Variants in TAF2 observed in about 807,000 individuals in gnomAD.
TAF2 encodes the protein transcription initiation factor TFIID subunit 2.
In TAF2, 61 loss-of-function variants were observed where a neutral mutation model predicts 138.5. The observed-to-expected ratio is 0.44, with a 90% CI of 0.36 to 0.54. TAF2 has a LOEUF of 0.54. Ranked by LOEUF, TAF2 falls within the 20% of genes least tolerant of loss-of-function variation. The pLI is 0.00. For missense variants in TAF2, 1,090 were observed against 1,427.9 expected, an observed-to-expected ratio of 0.76 and a Z score of 3.81; for synonymous variants, 475 against 469.9, an observed-to-expected ratio of 1.01 and a Z score of -0.14.
At position 119,762,471 on chromosome 8, in the gene TAF2, G is replaced by A. The variant is rs143004155; in HGVS notation, c.2502C>T (p.Thr834=). ...GAAGTTTTTCCATATTCAAAAATCT[G>A]GTGATTTCTTCAAGAATGAGTCGCA... ...PDVRLILEEI[T]RFLNMEKLLP... is the part of the protein sequence containing the mutation. The change falls in exon 19 of 26, where the codon ACC becomes ACT. Residue 834 remains threonine, a synonymous_variant. Coordinates refer to ENST00000378164, the MANE Select transcript of TAF2 (RefSeq NM_003184.4). The A allele has an allele frequency of 6.2e-5, 100 of 1,613,922 alleles. No homozygotes were observed. The African/African-American group carries it at 9.9e-4, about 16-fold the overall frequency.
At chr8:119,781,677 C>CA (rs200470864) in intron 16 of TAF2, among the ~76,000 whole-genome samples, 45 of 142,414 alleles carry the variant, frequency 3.2e-4, no homozygotes, top group Middle Eastern at 7.1e-3. Flanking sequence ...AGACTCTCTC[C>CA]AAAAAAAAAA....
Position 119,793,541 on chromosome 8 carries a change from A to G in TAF2, c.1192-90T>C, listed in dbSNP as rs1823594532. ...TTTTAGAATTAAACTGTGAATTCTC[A>G]TTTCCTAAAATCAGAATGTAAATTT... On this transcript the variant is annotated intron_variant, in intron 9 of 25. Transcript: ENST00000378164. The G allele has an allele frequency of 5.6e-6, 5 of 890,264 alleles. No individual in the cohort carries two copies. The East Asian group carries it at 1.3e-4, about 23-fold the overall frequency. 55.1% of individuals were successfully genotyped at this position (890,264 alleles called of 1,614,324 possible).
chr8:119,744,068 A>G (rs1041431383), intron 24 of TAF2, among the ~76,000 whole-genome samples: 1 of 152,254 alleles, frequency 6.6e-6, no homozygotes, highest in African/African-American at 2.4e-5. Context: ...ATTTTATACA[A>G]GCAAATACTT....
At chr8:119,757,928 T>A in intron 21 of TAF2, 145 bp downstream of exon 21, 1 of 743,278 alleles carries the variant, frequency 1.3e-6, no homozygotes. Context: ...ATGTTGAAAA[T>A]CAAATTTAAA....
chr8:119,781,548 C>T (rs1247696669), intron 16 of TAF2, among the ~76,000 whole-genome samples: 7 of 151,970 alleles, frequency 4.6e-5, no homozygotes, highest in Admixed American at 1.3e-4. Flanking sequence ...GGCATGATGG[C>T]GGGTGCCTGT....
At chr8:119,812,446 C>T (rs1314117995) in intron 3 of TAF2, among the ~76,000 whole-genome samples, 1 of 151,838 alleles carries the variant, frequency 6.6e-6, no homozygotes, top group Non-Finnish European at 1.5e-5. Flanking sequence ...GTGTACATTG[C>T]ACCCAATATG....
In TAF2 at chr8:119,805,378, T is replaced by C. The variant is rs545787901; in HGVS notation, c.418+905A>G. Among the ~76,000 whole-genome samples, 6 of 152,276 alleles carry C rather than the reference T, an allele frequency of 3.9e-5. No individual in the cohort carries two copies. The East Asian group carries it at 1.2e-3, about 29-fold the overall frequency. The stretch of plus-strand genomic sequence containing the variant: ...ATGCTACAATTCTAAACTAATTTGA[T>C]ATTGTGCAGGTTCTACCTATATGAT... On this transcript the variant is annotated intron_variant, in intron 4 of 25. Transcript: ENST00000378164.
intron 3 of TAF2, among the ~76,000 whole-genome samples, chr8:119,813,352 C>T (rs369644012): frequency 6.6e-6 from 1 of 152,234 alleles, no homozygotes; most frequent in Non-Finnish European, 1.5e-5. Context: ...TACCATGAGT[C>T]TACAAGAATC....
At chr8:119,767,457 C>G (rs958742323) in intron 18 of TAF2, among the ~76,000 whole-genome samples, 5 of 152,170 alleles carry the variant, frequency 3.3e-5, no homozygotes, top group Non-Finnish European at 7.4e-5. Context: ...CCCTGGGGTT[C>G]CACACTCCTA....
chr8:119,783,413 C>G lies in TAF2; in HGVS notation c.2080G>C (p.Val694Leu). ...ILEQEQCFYRVRMSACFCLAK... is the reference protein window; with the variant it reads ...ILEQEQCFYRLRMSACFCLAK... ...AGACAGAAGCAAGCTGACATTCTTA[C>G]TCTGTAGAAACACTGCTCTTGTTCT... The change falls in exon 16 of 26, where the codon GTA becomes CTA. Residue 694 changes from valine (V) to leucine (L), a missense_variant. Coordinates refer to ENST00000378164, the MANE Select transcript of TAF2 (RefSeq NM_003184.4). 1 of 1,614,114 alleles carries G rather than the reference C, an allele frequency of 6.2e-7. No homozygotes were observed.
At position 119,744,406 on chromosome 8, in the gene TAF2, C is replaced by T. The variant is rs1308151143; in HGVS notation, c.3109-13G>A. ...GAGAACTGGAAAACTAAAACACACA[C>T]ACATAAAACAGAGGATAAAAGAACC... On this transcript the variant is annotated splice_polypyrimidine_tract_variant and intron_variant, in intron 23 of 25. Transcript: ENST00000378164. The T allele has an allele frequency of 5.6e-6, 9 of 1,601,904 alleles. No homozygotes were observed. The highest frequency in any genetic ancestry group is 7.7e-6 in the Non-Finnish European group (9 of 1,170,246).
chr8:119,764,450 T>C (rs916651485), intron 18 of TAF2, among the ~76,000 whole-genome samples: 2 of 152,168 alleles, frequency 1.3e-5, no homozygotes, highest in African/African-American at 2.4e-5. Context: ...TAAAATTTAA[T>C]AATATACCAG....
At chr8:119,769,626 CAG>C (rs966527070) in intron 18 of TAF2, among the ~76,000 whole-genome samples, 1 of 151,940 alleles carries the variant, frequency 6.6e-6, no homozygotes, top group African/African-American at 2.4e-5. Context: ...GAGCAACAAA[CAG>C]AACTTCCAGA....
chr8:119,745,122 G>A, intron 23 of TAF2: 2 of 423,578 alleles, frequency 4.7e-6, no homozygotes, highest in Non-Finnish European at 9.5e-6. Context: ...TAGCAACCAT[G>A]CAGATTAGAG....
At chr8:119,778,236 A>T (rs2131122149) in intron 17 of TAF2, 107 bp from the exon 18 acceptor site, 2 of 673,790 alleles carry the variant, frequency 3.0e-6, no homozygotes, top group Non-Finnish European at 5.1e-6. Context: ...TGACATAGAT[A>T]TCTGGATGGA....
At chr8:119,796,566 C>A (rs1823840993) in intron 8 of TAF2, among the ~76,000 whole-genome samples, 1 of 151,996 alleles carries the variant, frequency 6.6e-6, no homozygotes, top group African/African-American at 2.4e-5. Context: ...TTGCTTTGAA[C>A]ACTGACATTA....
At chr8:119,793,215 C>T (rs1366652208) in intron 10 of TAF2, 151 bp downstream of exon 10, 2 of 538,334 alleles carry the variant, frequency 3.7e-6, no homozygotes, top group African/African-American at 1.9e-5. Flanking sequence ...ATCTTATGAG[C>T]TTTATGAGTC....
At chr8:119,818,382 A>C (rs1825612038) in intron 3 of TAF2, among the ~76,000 whole-genome samples, 1 of 152,214 alleles carries the variant, frequency 6.6e-6, no homozygotes. Context: ...ATCTTGACTA[A>C]AAAGTTTATG....
intron 22 of TAF2, 75 bp from the exon 23 acceptor site, chr8:119,747,009 C>G (rs1409090381): frequency 6.8e-7 from 1 of 1,468,176 alleles, no homozygotes; most frequent in Non-Finnish European, 9.4e-7. Flanking sequence ...AGAACCTGAA[C>G]AACAAAAGGA....
Sources: allele counts gnomAD v4.1 joint callset (sites outside exome capture counted in the v4.1 genomes callset), GRCh38; gene constraint gnomAD v4.1.1; transcripts MANE v1.5; gene names NCBI Gene and HGNC (gene_info 2026-07-23, HGNC 2026-07-21).